Variants in HMG20B observed in about 807,000 individuals in gnomAD.
HMG20B encodes high mobility group 20B.
In HMG20B, 24 loss-of-function variants were observed where a neutral mutation model predicts 41.6. The observed-to-expected ratio is 0.58, with a 90% CI of 0.42 to 0.81. HMG20B has a LOEUF of 0.81. Ranked by LOEUF, HMG20B falls within the 30% of genes least tolerant of loss-of-function variation. HMG20B has a pLI of 0.00. For synonymous variants in HMG20B, 251 were observed against 186.6 expected, an observed-to-expected ratio of 1.34 and a Z score of -2.81; for missense variants, 461 against 444.0, an observed-to-expected ratio of 1.04 and a Z score of -0.34.
intron 1 of HMG20B, 117 bp downstream of exon 1, chr19:3,573,111 C>A (rs2032076550): frequency 3.9e-6 from 2 of 515,812 alleles, no homozygotes; most frequent in Non-Finnish European, 6.7e-6. Flanking sequence ...CCGGGGGGGG[C>A]AATCGCCCAA....
At chr19:3,577,270 C>G in intron 8 of HMG20B, 163 bp downstream of exon 8, 2 of 589,674 alleles carry the variant, frequency 3.4e-6, no homozygotes, top group South Asian at 4.2e-5. Flanking sequence ...CCCTCATCAC[C>G]CCCAGCTCCG....
intron 1 of HMG20B, 115 bp from the exon 2 acceptor site, chr19:3,573,177 C>T: frequency 1.2e-6 from 1 of 801,370 alleles, no homozygotes; most frequent in Non-Finnish European, 1.8e-6. Context: ...GGATCCGGCC[C>T]CCCCAGCGCT....
intron 5 of HMG20B, 72 bp from the exon 6 acceptor site, chr19:3,576,189 G>A (rs2032158248): frequency 2.1e-6 from 3 of 1,403,080 alleles, no homozygotes; most frequent in African/African-American, 1.4e-5. Context: ...GCTGAGCAGC[G>A]CTGACCTAGG....
chr19:3,573,701 C>A lies in HMG20B; in HGVS notation c.48C>A (p.Gly16=), dbSNP rs1231398535. Residue 16 remains glycine (G), a synonymous_variant, in exon 3 of 10, where the codon GGC becomes GGA. Transcript: ENST00000333651. ...KQPGAAAAPA[G]GKAPGQHGGF... ...GTATCCTTGGCTCCAGGCCGGCGGG[C>A]GGCAAGGCTCCGGGCCAGCATGGGG... is the stretch of plus-strand genomic sequence containing the variant. 2 of 1,502,094 alleles carry A rather than the reference C, an allele frequency of 1.3e-6. No individual in the cohort carries two copies. Among genetic ancestry groups the A allele is most frequent in the East Asian group, 2.4e-5 (1 of 40,948 alleles). The allele number at this position is 1,502,094 out of a possible 1,614,324, so 93.0% of individuals were successfully genotyped here.
rs1175272317 is a variant in HMG20B at position 3,576,251 on chromosome 19, C to T, written c.473-10C>T. ...GGGAGGCTGACCCTGCCCTTCCCCT[C>T]CCCCGCCAGAAGACTCGAGCTCTGG... On this transcript the variant is annotated splice_polypyrimidine_tract_variant and intron_variant, in intron 5 of 9. Transcript: ENST00000333651. 8 of 1,613,348 alleles carry T rather than the reference C, an allele frequency of 5.0e-6. No homozygotes were observed. Among genetic ancestry groups the T allele is most frequent in the Middle Eastern group, 1.6e-4 (1 of 6,084 alleles).
chr19:3,576,954 G>A lies in HMG20B; in HGVS notation c.655G>A (p.Val219Ile). 3 of 1,582,352 alleles carry A rather than the reference G, an allele frequency of 1.9e-6. No homozygotes were observed. The highest frequency in any genetic ancestry group is 1.3e-5 in the African/African-American group (1 of 74,392). Residue 219 changes from valine to isoleucine, a missense_variant, in exon 8 of 10, where the codon GTA (valine) becomes ATA (isoleucine). Val to Ile is a conservative substitution (Grantham distance 29). Around this residue, in one of 3 missense-constraint regions of HMG20B, gnomAD observed 308 missense variants for 283.4 expected, o/e 1.09. Transcript: ENST00000333651. ...TGTGGCCTTCGAGGAGCAGAACGCG[G>A]TACTGCAGAGGCACACGCAGAGCAT... Reference protein sequence around the residue: ...MNVAFEEQNAVLQRHTQSMSS... With the variant: ...MNVAFEEQNAILQRHTQSMSS...
intron 9 of HMG20B, 136 bp from the exon 10 acceptor site, chr19:3,578,373 T>C: frequency 7.6e-7 from 1 of 1,312,594 alleles, no homozygotes; most frequent in African/African-American, 1.5e-5. Flanking sequence ...CCGGGTTAGA[T>C]AGGTTCAACG....
chr19:3,577,255 C>T lies in HMG20B; in HGVS notation c.808+148C>T, dbSNP rs1442762587. The T allele has an allele frequency of 9.8e-6, 6 of 613,244 alleles. No individual in the cohort carries two copies. In the East Asian group the frequency reaches 1.5e-4, roughly 15 times the overall value. The allele number at this position is 613,244 out of a possible 1,614,324, so 38.0% of individuals were successfully genotyped here. Reference sequence around the variant, plus strand: ...CCCAGTCACCCGGCCCCGCCTATCGCCCCGCCCTCATCACCCCCAGCTCCG... The same window carrying T: ...CCCAGTCACCCGGCCCCGCCTATCGTCCCGCCCTCATCACCCCCAGCTCCG... On this transcript the variant is annotated intron_variant, in intron 8 of 9. Transcript: ENST00000333651.
At chr19:3,576,150 C>G in intron 5 of HMG20B, 111 bp from the exon 6 acceptor site, 1 of 898,106 alleles carries the variant, frequency 1.1e-6, no homozygotes, top group Non-Finnish European at 1.8e-6. Flanking sequence ...TGCCCAGACG[C>G]GGGGCACTCA....
chr19:3,574,153 C>T, intron 3 of HMG20B: 1 of 613,058 alleles, frequency 1.6e-6, no homozygotes, highest in East Asian at 2.8e-5. Flanking sequence ...ACCCTGTACT[C>T]AAACCTCGGC....
rs756225524 is a variant in HMG20B at position 3,577,023 on chromosome 19, G to A, written c.724G>A (p.Glu242Lys). The change falls in exon 8 of 10, where the codon GAG (glutamate) becomes AAG (lysine). Residue 242 changes from glutamate to lysine, a missense_variant. Transcript: ENST00000333651. ...ERLEQELALE[E>K]RRTLALQQQL... ...TCTGGAGCAGGAGCTGGCGCTGGAG[G>A]AGCGGAGGACGCTGGCGCTGCAGCA... 5.8e-6 allele frequency: 9 copies of A among 1,553,016 alleles called. No individual in the cohort carries two copies. In the South Asian group the frequency reaches 7.1e-5, roughly 12 times the overall value.
Position 3,578,038 on chromosome 19 carries a change from G to A in HMG20B, c.866G>A (p.Gly289Glu). Residue 289 changes from glycine to glutamate, a missense_variant, in exon 9 of 10, where the codon GGA becomes GAA. Physicochemically the swap from Gly to Glu is moderately conservative, Grantham distance 98 (BLOSUM62 -2). Transcript: ENST00000333651. ...GACTTCTACATGGCCCGGCTTCACGGAGCCATCGAGCGCGACCCCGCCCAG... is the reference window on the plus strand; with the variant it reads ...GACTTCTACATGGCCCGGCTTCACGAAGCCATCGAGCGCGACCCCGCCCAG... ...TLDFYMARLHGAIERDPAQHE... is the reference protein window; with the variant it reads ...TLDFYMARLHEAIERDPAQHE... 6.2e-7 allele frequency: 1 copy of A among 1,610,114 alleles called. No homozygotes were observed. Among genetic ancestry groups the A allele is most frequent in the Non-Finnish European group, 8.5e-7 (1 of 1,179,100 alleles).
chr19:3,578,502 G>A lies in HMG20B; in HGVS notation c.942-7G>A, dbSNP rs2032223236. 3.9e-6 allele frequency: 6 copies of A among 1,545,550 alleles called. No individual in the cohort carries two copies. The highest frequency in any genetic ancestry group is 2.4e-5 in the South Asian group (2 of 82,448). On this transcript the variant is annotated splice_region_variant and splice_polypyrimidine_tract_variant and intron_variant, in intron 9 of 9. Transcript: ENST00000333651. ...GCCTCATCCCGGGCCCTCCTCTCTC[G>A]TTTCAGCGAGCACCTGTGAGGAGTG...
chr19:3,578,790 C>T lies in HMG20B; in HGVS notation c.*269C>T, dbSNP rs768251640. 1.4e-6 allele frequency: 1 copy of T among 730,958 alleles called. No homozygotes were observed. The highest frequency in any genetic ancestry group is 2.5e-6 in the Non-Finnish European group (1 of 400,430). 45.3% of individuals were successfully genotyped at this position (730,958 alleles called of 1,614,324 possible). ...TGCCCCTCCTCGGAGGACAGCCACG[C>T]GCTACACTGGCTCTCCGGGCCACCC... On this transcript the variant is annotated 3_prime_UTR_variant, in exon 10 of 10. Coordinates refer to ENST00000333651, the MANE Select transcript of HMG20B (RefSeq NM_006339.3).
Position 3,578,761 on chromosome 19 carries a change from AG to A in HMG20B, c.*243del. ...TACACCCAGAAGAACCTCACAGCCGAGGGTGCCCCTCCTCGGAGGACAGCCA... is the reference window on the plus strand; with the variant it reads ...TACACCCAGAAGAACCTCACAGCCGAGGTGCCCCTCCTCGGAGGACAGCCA... On this transcript the variant is annotated 3_prime_UTR_variant, in exon 10 of 10. Coordinates refer to ENST00000333651, the MANE Select transcript of HMG20B (RefSeq NM_006339.3). 1 of 754,306 alleles carries A rather than the reference AG, an allele frequency of 1.3e-6. No individual in the cohort carries two copies. Among genetic ancestry groups the A allele is most frequent in the South Asian group, 1.4e-5 (1 of 70,584 alleles). 46.7% of individuals were successfully genotyped at this position (754,306 alleles called of 1,614,324 possible).
intron 2 of HMG20B, 53 bp from the exon 3 acceptor site, chr19:3,573,639 T>C: frequency 7.0e-7 from 1 of 1,418,694 alleles, no homozygotes; most frequent in South Asian, 1.5e-5. Context: ...GGTGGGCTTT[T>C]GGGGGAGGGG....
At chr19:3,573,884 C>A in intron 3 of HMG20B, 84 bp downstream of exon 3, 1 of 1,251,400 alleles carries the variant, frequency 8.0e-7, no homozygotes, top group Non-Finnish European at 1.1e-6. Context: ...ATTTGAATTG[C>A]TTGTGGCTCC....
chr19:3,576,545 C>T lies in HMG20B; in HGVS notation c.520-8C>T, dbSNP rs748624455. On this transcript the variant is annotated splice_polypyrimidine_tract_variant and splice_region_variant and intron_variant, in intron 6 of 9. Transcript: ENST00000333651. ...CCAGTAAATTGCCACCTTGTCCCTT[C>T]GTCTTAGGGTGGGGACTGCGATGGC... The T allele has an allele frequency of 3.7e-6, 6 of 1,611,290 alleles. No individual in the cohort carries two copies. The South Asian group carries it at 6.6e-5, about 18-fold the overall frequency.
Position 3,577,080 on chromosome 19 carries a change from G to T in HMG20B, c.781G>T (p.Ala261Ser). The T allele has an allele frequency of 6.5e-7, 1 of 1,538,988 alleles. No individual in the cohort carries two copies. The change falls in exon 8 of 10, where the codon GCC becomes TCC. Residue 261 changes from alanine (A) to serine (S), a missense_variant. Ala to Ser is a moderately conservative substitution (Grantham distance 99). This residue lies in a region of HMG20B where 308 missense variants were observed against 283.4 expected (regional missense o/e 1.09). Transcript: ENST00000333651. ...QLQAVRQALT[A>S]SFASLPVPGT... ...CCAGGCCGTGCGCCAGGCGCTCACC[G>T]CCAGCTTCGCCTCACTGCCGGTGCC...
Sources: gnomAD v4.1 joint callset for allele counts on GRCh38, gnomAD v4.1.1 for gene constraint, gnomAD v4.1.1 regional missense constraint, MANE v1.5 for transcripts, NCBI Gene and HGNC (gene_info 2026-07-23, HGNC 2026-07-21) for gene names.